The following ACER2 variants were observed in gnomAD, a reference collection of about 807,000 sequenced individuals.
ACER2 encodes alkCDase 2.
In ACER2, 26 loss-of-function variants were observed where a neutral mutation model predicts 34.7. The ratio of observed to expected loss-of-function variants is 0.75; its 90% CI spans 0.55 to 1.04. The LOEUF is 1.04. Ranked by LOEUF, ACER2 falls within the 50% of genes least tolerant of loss-of-function variation. The probability of loss-of-function intolerance (pLI) is 0.00; values close to 1 mark genes in which losing one functional copy is unlikely to be tolerated. For synonymous variants in ACER2, 138 were observed against 132.1 expected (o/e 1.04, Z -0.31); for missense variants, 352 against 340.8 (o/e 1.03, Z -0.26).
rs1277751708 is a variant in ACER2, at chr9:19,452,445, T to A, written c.*1809T>A. ...GCAGAACGCTGTTTGTAGTAAGAAA[T>A]CTTTGTGGAACCCCAGTGTGTGAAG... On this transcript the variant is annotated 3_prime_UTR_variant, in exon 6 of 6. Transcript: ENST00000340967. Among the ~76,000 whole-genome samples the A allele has an allele frequency of 6.6e-6, 1 of 152,192 alleles. No individual in the cohort carries two copies. Among genetic ancestry groups the A allele is most frequent in the African/African-American group, 2.4e-5 (1 of 41,446 alleles).
intron 1 of ACER2, among the ~76,000 whole-genome samples, chr9:19,417,072 A>G (rs1830261956): frequency 6.7e-6 from 1 of 149,110 alleles, no homozygotes; most frequent in African/African-American, 2.4e-5. Flanking sequence ...AAGCATTCCT[A>G]TACACCAATA....
intron 4 of ACER2, 101 bp from the exon 5 acceptor site, chr9:19,446,179 TG>T (rs1383413463): frequency 6.5e-7 from 1 of 1,533,336 alleles, no homozygotes; most frequent in African/African-American, 1.4e-5. Context: ...GTCTTGGGGT[TG>T]TAGGCATGAG....
At chr9:19,432,174 T>C (rs1419790528) in intron 3 of ACER2, among the ~76,000 whole-genome samples, 1 of 152,244 alleles carries the variant, frequency 6.6e-6, no homozygotes, top group Non-Finnish European at 1.5e-5. Flanking sequence ...GTCTAAGACT[T>C]GTCATTTCAA....
intron 3 of ACER2, among the ~76,000 whole-genome samples, chr9:19,431,527 C>G (rs775605726): frequency 5.3e-5 from 8 of 152,222 alleles, no homozygotes; most frequent in Non-Finnish European, 1.0e-4. Context: ...ATTGCCTTGG[C>G]ATGCGTCAAA....
chr9:19,442,770 C>G (rs1393504136), intron 4 of ACER2, among the ~76,000 whole-genome samples: 1 of 151,886 alleles, frequency 6.6e-6, no homozygotes, highest in Non-Finnish European at 1.5e-5. Flanking sequence ...TTTTTAAATT[C>G]AAGGCAAGAG....
In ACER2 at chr9:19,450,633, G is replaced by T. The variant is rs146004810; in HGVS notation, c.825G>T (p.Thr275=). 9 of 1,548,962 alleles carry T rather than the reference G, an allele frequency of 5.8e-6. No individual in the cohort carries two copies. Among genetic ancestry groups the T allele is most frequent in the African/African-American group, 5.4e-5 (4 of 74,172 alleles). The change falls in exon 6 of 6, where the codon ACG becomes ACT. Residue 275 remains threonine, a synonymous_variant. Coordinates refer to ENST00000340967, the MANE Select transcript of ACER2 (RefSeq NM_001010887.3). ...CANKKSSVKI[T] Reference sequence around the variant, plus strand: ...ACAAGAAATCATCAGTCAAGATCACGTGATGGCAAGATGGTGGCTGGCTTC... The same window carrying T: ...ACAAGAAATCATCAGTCAAGATCACTTGATGGCAAGATGGTGGCTGGCTTC...
At chr9:19,423,038 A>T (rs1407617793) in intron 1 of ACER2, among the ~76,000 whole-genome samples, 1 of 147,722 alleles carries the variant, frequency 6.8e-6, no homozygotes, top group African/African-American at 2.7e-5. Context: ...GTCTCAAAAA[A>T]AAAAAAAAAA....
At chr9:19,417,201 C>T (rs1444748811) in intron 1 of ACER2, among the ~76,000 whole-genome samples, 2 of 152,138 alleles carry the variant, frequency 1.3e-5, no homozygotes, top group East Asian at 1.9e-4. Flanking sequence ...GAACTACAAA[C>T]CACTGCTCAA....
chr9:19,415,336 C>T (rs1381771935), intron 1 of ACER2, among the ~76,000 whole-genome samples: 3 of 151,718 alleles, frequency 2.0e-5, no homozygotes, highest in Admixed American at 6.6e-5. Flanking sequence ...ACTGAAAATA[C>T]AAAAAATTAG....
rs573122252 is a variant in ACER2, at chr9:19,439,995, C to T, written c.503+4911C>T. Among the ~76,000 whole-genome samples the T allele has an allele frequency of 9.2e-5, 14 of 152,096 alleles. No individual in the cohort carries two copies. The East Asian group carries it at 2.7e-3, about 29-fold the overall frequency. On this transcript the variant is annotated intron_variant, in intron 4 of 5. Transcript: ENST00000340967. Reference sequence around the variant, plus strand: ...ATCCCCCCGCCCCCAAAGAAAGCTCCCTTTATCCCTTACCTCTCATTTACT... The same window carrying T: ...ATCCCCCCGCCCCCAAAGAAAGCTCTCTTTATCCCTTACCTCTCATTTACT...
chr9:19,427,652 C>CTTCTCTTCTCTTCTCTT (rs1554652423), intron 3 of ACER2, among the ~76,000 whole-genome samples: 51 of 90,620 alleles, frequency 5.6e-4, no homozygotes, highest in African/African-American at 1.4e-3. Context: ...TTTCTCTTCT[C>CTTCTCTTCTCTTCTCTT]TTCTCTTCTC....
intron 1 of ACER2, among the ~76,000 whole-genome samples, chr9:19,411,246 T>C (rs1589028169): frequency 6.6e-6 from 1 of 152,216 alleles, no homozygotes; most frequent in Non-Finnish European, 1.5e-5. Flanking sequence ...ACAAACTTTA[T>C]TCCTTGGAAT....
At chr9:19,436,965 G>A (rs572548692) in intron 4 of ACER2, among the ~76,000 whole-genome samples, 1 of 152,140 alleles carries the variant, frequency 6.6e-6, no homozygotes, top group Non-Finnish European at 1.5e-5. Flanking sequence ...TTCTTCTTTT[G>A]GCTTCTCTGA....
At chr9:19,426,865 C>G (rs569512339) in intron 3 of ACER2, among the ~76,000 whole-genome samples, 1 of 152,002 alleles carries the variant, frequency 6.6e-6, no homozygotes, top group Admixed American at 6.6e-5. Flanking sequence ...GTGGGCAACA[C>G]AGTGAAACCC....
At position 19,429,373 on chromosome 9, in the gene ACER2, C is replaced by G. The variant is rs1227267399; in HGVS notation, c.365+4532C>G. Among the ~76,000 whole-genome samples the G allele has an allele frequency of 1.9e-4, 29 of 152,022 alleles. 1 individual carries two copies. The highest frequency in any genetic ancestry group is 1.8e-3 in the Admixed American group (28 of 15,256). On this transcript the variant is annotated intron_variant, in intron 3 of 5. Coordinates refer to ENST00000340967, the MANE Select transcript of ACER2 (RefSeq NM_001010887.3). ...TGGAGACAGGATCTCACTCTGTTGC[C>G]CAGGCTGGAGTGCAGTGGCACAGTC...
chr9:19,436,930 T>C (rs1426587124), intron 4 of ACER2, among the ~76,000 whole-genome samples: 2 of 152,260 alleles, frequency 1.3e-5, no homozygotes, highest in African/African-American at 2.4e-5. Context: ...AATCTGACAC[T>C]GTCAGCCTCC....
In ACER2 at chr9:19,409,074, C is replaced by T; in HGVS notation, c.-11C>T. 1.3e-6 allele frequency: 2 copies of T among 1,570,640 alleles called. No individual in the cohort carries two copies. Among genetic ancestry groups the T allele is most frequent in the Middle Eastern group, 3.9e-4 (2 of 5,108 alleles). On this transcript the variant is annotated 5_prime_UTR_variant, in exon 1 of 6. Coordinates refer to ENST00000340967, the MANE Select transcript of ACER2 (RefSeq NM_001010887.3). ...CTGCGCGAGCAGCTGCTCCAATGCC[C>T]CGGAGTGGCCATGGGCGCCCCGCAC...
intron 4 of ACER2, among the ~76,000 whole-genome samples, chr9:19,441,892 G>T (rs1831168128): frequency 6.6e-6 from 1 of 152,176 alleles, no homozygotes; most frequent in African/African-American, 2.4e-5. Context: ...GTTGTCACCT[G>T]CAATGATGTT....
chr9:19,448,791 T>A, intron 5 of ACER2, among the ~76,000 whole-genome samples: 1 of 152,354 alleles, frequency 6.6e-6, no homozygotes, highest in East Asian at 1.9e-4. Context: ...CAATTTGTGA[T>A]GTGTATTTCC....
Sources: allele counts gnomAD v4.1 joint callset (sites outside exome capture counted in the v4.1 genomes callset), GRCh38; gene constraint gnomAD v4.1.1; transcripts MANE v1.5; gene names NCBI Gene and HGNC (gene_info 2026-07-23, HGNC 2026-07-21).